PPFIA1: variants seen among roughly 807,000 people sequenced by gnomAD.
PPFIA1 encodes the protein liprin-alpha-1.
In PPFIA1, 25 loss-of-function variants were observed where a neutral mutation model predicts 149.9. The observed-to-expected ratio is 0.17, with a 90% CI of 0.12 to 0.23. The LOEUF is 0.23. PPFIA1 is among the 10% of genes least tolerant of loss of function. The pLI is 1.00. For synonymous variants in PPFIA1, 549 were observed against 552.8 expected (o/e 0.99, Z 0.10); for missense variants, 1,362 against 1,506.5 (o/e 0.90, Z 1.59).
At position 70,378,511 on chromosome 11, in the gene PPFIA1, G is replaced by A. The variant is rs939524760; in HGVS notation, c.3550+316G>A. Reference sequence around the variant, plus strand: ...TGTAAATTTGTGTCTGTGACAGGCCGTGCTAGAAAGCTCTTTCAGGAAATA... The same window carrying A: ...TGTAAATTTGTGTCTGTGACAGGCCATGCTAGAAAGCTCTTTCAGGAAATA... On this transcript the variant is annotated intron_variant, in intron 26 of 27. Transcript: ENST00000253925. The A allele has an allele frequency of 4.7e-5, 48 of 1,017,322 alleles. No homozygotes were observed. In the South Asian group the frequency reaches 6.1e-4, roughly 13 times the overall value. 63.0% of individuals were successfully genotyped at this position (1,017,322 alleles called of 1,614,324 possible). A position where few individuals can be genotyped will look rare whatever the true frequency, so the allele number is the denominator to read the frequency against.
intron 21 of PPFIA1, chr11:70,362,717 G>A (rs1442027768): frequency 1.0e-5 from 4 of 382,106 alleles, no homozygotes; most frequent in African/African-American, 2.1e-5. Flanking sequence ...TGGCTTCATA[G>A]TATAAAAATA....
chr11:70,278,964 G>T, intron 2 of PPFIA1: 1 of 614,442 alleles, frequency 1.6e-6, no homozygotes, highest in Admixed American at 2.0e-5. Context: ...GTGGATGTGT[G>T]GAATGACACC....
chr11:70,309,296 A>C (rs541352729), intron 2 of PPFIA1, among the ~76,000 whole-genome samples: 61 of 151,974 alleles, frequency 4.0e-4, no homozygotes, highest in African/African-American at 1.4e-3. Context: ...CAGCCTCCCG[A>C]GTAGCTGGGA....
intron 14 of PPFIA1, among the ~76,000 whole-genome samples, chr11:70,341,431 C>G (rs2055323141): frequency 6.6e-6 from 1 of 152,068 alleles, no homozygotes. Flanking sequence ...GACTCCAAGC[C>G]TTTGGGCTTG....
intron 2 of PPFIA1, among the ~76,000 whole-genome samples, chr11:70,295,512 ACCC>A (rs527569852): frequency 4.9e-5 from 3 of 60,614 alleles, no homozygotes; most frequent in African/African-American, 1.3e-4. Flanking sequence ...GGGGGGGCTG[ACCC>A]CCCCCACCTC....
At chr11:70,368,759 T>C (rs918895667) in intron 21 of PPFIA1, among the ~76,000 whole-genome samples, 1 of 152,240 alleles carries the variant, frequency 6.6e-6, no homozygotes, top group Non-Finnish European at 1.5e-5. Flanking sequence ...AGCTATTTTG[T>C]AGATTCCTTT....
chr11:70,316,150 C>T (rs921040592), intron 2 of PPFIA1, among the ~76,000 whole-genome samples: 2 of 152,248 alleles, frequency 1.3e-5, no homozygotes, highest in South Asian at 4.1e-4. Context: ...CGGCTCACTG[C>T]AGCCTCTGCC....
chr11:70,355,124 C>T lies in PPFIA1; in HGVS notation c.2316-515C>T, dbSNP rs190155241. 4.8e-3 allele frequency among the ~76,000 whole-genome samples: 734 copies of T among 152,198 alleles called. 3 individuals carry two copies. Among genetic ancestry groups the T allele is most frequent in the Middle Eastern group, 0.014 (4 of 294 alleles). On this transcript the variant is annotated intron_variant, in intron 17 of 27. Coordinates refer to ENST00000253925, the MANE Select transcript of PPFIA1 (RefSeq NM_003626.5). The stretch of plus-strand genomic sequence containing the variant: ...TTCACCATGCTGGCCAGGCTGGTCT[C>T]GAACTCCTGAGCTCATAATCTGCCC...
Position 70,354,471 on chromosome 11 carries a change from C to T in PPFIA1, c.2315+19C>T. 16 of 1,596,836 alleles carry T rather than the reference C, an allele frequency of 1.0e-5. No individual in the cohort carries two copies. The highest frequency in any genetic ancestry group is 1.3e-5 in the Non-Finnish European group (15 of 1,173,408). ...TAAGGAAGTAAGGAGCCTGCAGCAG[C>T]CCCATGCAGAGCGCACCTGTCTTTT... On this transcript the variant is annotated intron_variant, in intron 17 of 27. Transcript: ENST00000253925.
rs976702508 is a variant in PPFIA1 at position 70,272,021 on chromosome 11, A to G, written c.1-152A>G. On this transcript the variant is annotated intron_variant, in intron 1 of 27. Transcript: ENST00000253925. ...TTTGCACTTAATATTTGCCCTGTGT[A>G]TGTTTTCCCAGCTTATTTACACACA... The G allele has an allele frequency of 1.6e-5, 14 of 861,938 alleles. No individual in the cohort carries two copies. The South Asian group carries it at 1.7e-4, about 10-fold the overall frequency. The allele number at this position is 861,938 out of a possible 1,614,324, so 53.4% of individuals were successfully genotyped here. A position where few individuals can be genotyped will look rare whatever the true frequency, so the allele number is the denominator to read the frequency against.
chr11:70,312,916 A>G (rs535088011), intron 2 of PPFIA1, among the ~76,000 whole-genome samples: 2 of 152,286 alleles, frequency 1.3e-5, no homozygotes, highest in African/African-American at 4.8e-5. Context: ...GTGACCACCT[A>G]GCAAGGGGAC....
chr11:70,344,459 G>A (rs1325598344), intron 15 of PPFIA1, among the ~76,000 whole-genome samples: 2 of 152,210 alleles, frequency 1.3e-5, no homozygotes, highest in Non-Finnish European at 2.9e-5. Flanking sequence ...TGGGAAGCGG[G>A]AGGAAGGGTT....
rs750678220 is a variant in PPFIA1, at chr11:70,288,317, G to A, written c.264+15881G>A. Among the ~76,000 whole-genome samples, 6 of 151,960 alleles carry A rather than the reference G, an allele frequency of 3.9e-5. No homozygotes were observed. In the East Asian group the frequency reaches 5.8e-4, roughly 15 times the overall value. On this transcript the variant is annotated intron_variant, in intron 2 of 27. Transcript: ENST00000253925. ...GAACTCCTGGTGTTGTGATCTGCCCGCCTTGGCCTCCCAAAGTGCTGGGAT... is the reference window on the plus strand; with the variant it reads ...GAACTCCTGGTGTTGTGATCTGCCCACCTTGGCCTCCCAAAGTGCTGGGAT...
chr11:70,335,517 C>A, intron 10 of PPFIA1, 46 bp from the exon 11 acceptor site: 2 of 1,599,526 alleles, frequency 1.3e-6, no homozygotes, highest in Admixed American at 1.7e-5. Context: ...AAATAATGAT[C>A]GAGGATTTAC....
intron 2 of PPFIA1, among the ~76,000 whole-genome samples, chr11:70,284,401 A>G (rs968642212): frequency 1.3e-5 from 2 of 152,120 alleles, no homozygotes; most frequent in East Asian, 1.9e-4. Flanking sequence ...TCCTGTTCCT[A>G]CACCTTTAAT....
chr11:70,276,280 T>C (rs2050377212), intron 2 of PPFIA1, among the ~76,000 whole-genome samples: 1 of 151,748 alleles, frequency 6.6e-6, no homozygotes, highest in Admixed American at 6.6e-5. Flanking sequence ...CTTTTTTTTT[T>C]TTTTTTAATT....
At chr11:70,276,868 A>T (rs567021260) in intron 2 of PPFIA1, among the ~76,000 whole-genome samples, 3 of 151,636 alleles carry the variant, frequency 2.0e-5, no homozygotes, top group Non-Finnish European at 1.5e-5. Context: ...ATAATTCTTG[A>T]TATCAGTAAT....
intron 2 of PPFIA1, among the ~76,000 whole-genome samples, chr11:70,285,516 C>T (rs1325298504): frequency 6.6e-6 from 1 of 151,826 alleles, no homozygotes; most frequent in Admixed American, 6.6e-5. Context: ...CCTGTCTCTA[C>T]TAAAAATACA....
At chr11:70,314,563 C>A (rs2053481070) in intron 2 of PPFIA1, among the ~76,000 whole-genome samples, 1 of 152,154 alleles carries the variant, frequency 6.6e-6, no homozygotes, top group South Asian at 2.1e-4. Flanking sequence ...TAGTGGGTAA[C>A]CAGCATCAGC....
Sources: allele counts gnomAD v4.1 joint callset (sites outside exome capture counted in the v4.1 genomes callset), GRCh38; gene constraint gnomAD v4.1.1; transcripts MANE v1.5; gene names NCBI Gene and HGNC (gene_info 2026-07-23, HGNC 2026-07-21).